Variants in CDPF1 observed in about 807,000 individuals in gnomAD.
The protein encoded by CDPF1 is cysteine rich DPF motif domain containing 1.
In CDPF1, 8 loss-of-function variants were observed where a neutral mutation model predicts 8.3. The observed-to-expected ratio is 0.96, with a 90% CI of 0.57 to 1.74. The LOEUF (loss-of-function observed/expected upper bound fraction) is 1.74. CDPF1 is among the 40% of genes most tolerant of loss of function. The pLI, the probability that CDPF1 is intolerant of heterozygous loss-of-function variation, is 0.00. For synonymous variants in CDPF1, 62 were observed against 62.9 expected (o/e 0.99, Z 0.07); for missense variants, 151 against 155.3 (o/e 0.97, Z 0.15).
Position 46,248,172 on chromosome 22 carries a change from A to T in CDPF1, c.113T>A (p.Val38Asp). Reference sequence around the variant, plus strand: ...ACTGGCCCAAAAGGCATGCACTCACACCATCGACTGGGTGTTGGGGGGCTT... The same window carrying T: ...ACTGGCCCAAAAGGCATGCACTCACTCCATCGACTGGGTGTTGGGGGGCTT... ...GQKPPNTQSM[V>D]LLEESYVMKD... The change falls in exon 2 of 4, where the codon GTC becomes GAC. Residue 38 changes from valine to aspartate, a missense_variant and splice_region_variant. Physicochemically the swap from Val to Asp is radical, Grantham distance 152. Transcript: ENST00000314567. This position sits in a 1 kb window ranked among gnomAD's most constrained non-coding sequence, Gnocchi z 4.1. 6.2e-7 allele frequency: 1 copy of T among 1,610,636 alleles called. No individual in the cohort carries two copies. Among genetic ancestry groups the T allele is most frequent in the Non-Finnish European group, 8.5e-7 (1 of 1,177,500 alleles).
At position 46,247,495 on chromosome 22, in the gene CDPF1, C is replaced by G. The variant is rs889915006; in HGVS notation, c.114-274G>C. 6.6e-6 allele frequency among the ~76,000 whole-genome samples: 1 copy of G among 152,184 alleles called. No homozygotes were observed. Among genetic ancestry groups the G allele is most frequent in the African/African-American group, 2.4e-5 (1 of 41,442 alleles). ...CCCTTGTTCTCAGCCAAAAGCAGGG[C>G]TGCTGCAACATGGGCCCCCAGACCC... On this transcript the variant is annotated intron_variant, in intron 2 of 3. Transcript: ENST00000314567. This position sits in a 1 kb window ranked among gnomAD's most constrained non-coding sequence, Gnocchi z 4.3.
At position 46,249,836 on chromosome 22, in the gene CDPF1, C is replaced by T. The variant is rs1569267099; in HGVS notation, c.-1+420G>A. Among the ~76,000 whole-genome samples, 1 of 152,148 alleles carries T rather than the reference C, an allele frequency of 6.6e-6. No individual in the cohort carries two copies. The highest frequency in any genetic ancestry group is 1.5e-5 in the Non-Finnish European group (1 of 68,030). On this transcript the variant is annotated intron_variant, in intron 1 of 3. Transcript: ENST00000314567. This position sits in a 1 kb window ranked among gnomAD's most constrained non-coding sequence, Gnocchi z 4.6. ...CGCCACTGCATTCCAGCCTGGGCGA[C>T]AGAGCGAGACTCTGTCTCAAAACAA...
rs778898630 is a variant in CDPF1 at position 46,248,189 on chromosome 22, G to A, written c.96C>T (p.Pro32=). 16 of 1,612,454 alleles carry A rather than the reference G, an allele frequency of 9.9e-6. No homozygotes were observed. Among genetic ancestry groups the A allele is most frequent in the Admixed American group, 6.7e-5 (4 of 59,926 alleles). Residue 32 remains proline, a synonymous_variant, in exon 2 of 4, where the codon CCC becomes CCT. Transcript: ENST00000314567. The surrounding 1 kb of genome is among the most constrained non-coding windows in gnomAD (Gnocchi z 4.1). The stretch of plus-strand genomic sequence containing the variant: ...GCACTCACACCATCGACTGGGTGTT[G>A]GGGGGCTTCTGTCCCACATAGCTGT... ...APYSYVGQKP[P]NTQSMVLLEE...
chr22:46,246,115 G>C lies in CDPF1; in HGVS notation c.226-877C>G, dbSNP rs923066928. Among the ~76,000 whole-genome samples, 1 of 152,172 alleles carries C rather than the reference G, an allele frequency of 6.6e-6. No homozygotes were observed. The highest frequency in any genetic ancestry group is 1.5e-5 in the Non-Finnish European group (1 of 68,024). On this transcript the variant is annotated intron_variant, in intron 3 of 3. Transcript: ENST00000314567. The surrounding 1 kb of genome is among the most constrained non-coding windows in gnomAD (Gnocchi z 7.1). Reference sequence around the variant, plus strand: ...TGTCTGTCTGTTCTTAAAGCTTAGTGTGCTCGCAAACATAAGGCTGCCCTC... The same window carrying C: ...TGTCTGTCTGTTCTTAAAGCTTAGTCTGCTCGCAAACATAAGGCTGCCCTC...
chr22:46,248,415 C>T lies in CDPF1; in HGVS notation c.1-131G>A. 1.7e-6 allele frequency: 1 copy of T among 589,702 alleles called. No individual in the cohort carries two copies. The highest frequency in any genetic ancestry group is 3.1e-6 in the Non-Finnish European group (1 of 327,514). The allele number at this position is 589,702 out of a possible 1,614,324, so 36.5% of individuals were successfully genotyped here. ...TTGCCTCCCTACCGTACCCTTTTCT[C>T]TATCCCCAGCTGAAACAGGTTTTCA... On this transcript the variant is annotated intron_variant, in intron 1 of 3. Coordinates refer to ENST00000314567, the MANE Select transcript of CDPF1 (RefSeq NM_207327.5). The surrounding 1 kb of genome is among the most constrained non-coding windows in gnomAD (Gnocchi z 4.1).
rs1936525611 is a variant in CDPF1 at position 46,248,410 on chromosome 22, T to C, written c.1-126A>G. 2 of 597,978 alleles carry C rather than the reference T, an allele frequency of 3.3e-6. No individual in the cohort carries two copies. Among genetic ancestry groups the C allele is most frequent in the South Asian group, 4.2e-5 (2 of 47,728 alleles). The allele number at this position is 597,978 out of a possible 1,614,324, so 37.0% of individuals were successfully genotyped here. On this transcript the variant is annotated intron_variant, in intron 1 of 3. Coordinates refer to ENST00000314567, the MANE Select transcript of CDPF1 (RefSeq NM_207327.5). The surrounding 1 kb of genome is among the most constrained non-coding windows in gnomAD (Gnocchi z 4.1). ...GTTTCTTGCCTCCCTACCGTACCCT[T>C]TTCTCTATCCCCAGCTGAAACAGGT...
Position 46,246,538 on chromosome 22 carries a change from A to G in CDPF1, c.225+572T>C, listed in dbSNP as rs573268179. ...TGGGGTCACTCTGAGTACACTGGGC[A>G]CGCTGTGAAAGCCATGCTGCTCCAC... On this transcript the variant is annotated intron_variant, in intron 3 of 3. Coordinates refer to ENST00000314567, the MANE Select transcript of CDPF1 (RefSeq NM_207327.5). This position sits in a 1 kb window ranked among gnomAD's most constrained non-coding sequence, Gnocchi z 7.1. The G allele has an allele frequency of 9.3e-7, 1 of 1,078,648 alleles. No homozygotes were observed. The highest frequency in any genetic ancestry group is 2.6e-5 in the East Asian group (1 of 38,218). 66.8% of individuals were successfully genotyped at this position (1,078,648 alleles called of 1,614,324 possible).
In CDPF1 at chr22:46,246,729, G is replaced by A. The variant is rs769994683; in HGVS notation, c.225+381C>T. 6 of 1,601,756 alleles carry A rather than the reference G, an allele frequency of 3.7e-6. No homozygotes were observed. Among genetic ancestry groups the A allele is most frequent in the African/African-American group, 1.3e-5 (1 of 74,658 alleles). ...AGCAGTAAAACAGGTCCCAAGCACAGGACCTGGCACACAACAAGTGCTCAT... is the reference window on the plus strand; with the variant it reads ...AGCAGTAAAACAGGTCCCAAGCACAAGACCTGGCACACAACAAGTGCTCAT... On this transcript the variant is annotated intron_variant, in intron 3 of 3. Coordinates refer to ENST00000314567, the MANE Select transcript of CDPF1 (RefSeq NM_207327.5). The surrounding 1 kb of genome is among the most constrained non-coding windows in gnomAD (Gnocchi z 7.1).
rs2147763291 is a variant in CDPF1, at chr22:46,245,029, T to C, written c.*63A>G. On this transcript the variant is annotated 3_prime_UTR_variant, in exon 4 of 4. Coordinates refer to ENST00000314567, the MANE Select transcript of CDPF1 (RefSeq NM_207327.5). The surrounding 1 kb of genome is among the most constrained non-coding windows in gnomAD (Gnocchi z 6.9). ...GCGGCTCCCAGCTCAGCAGCATCCC[T>C]GGCGCAGGCTGGCCCAGGAGCTCTG... The C allele has an allele frequency of 1.3e-6, 2 of 1,586,390 alleles. No individual in the cohort carries two copies. The highest frequency in any genetic ancestry group is 1.7e-6 in the Non-Finnish European group (2 of 1,164,638).
Position 46,246,553 on chromosome 22 carries a change from T to C in CDPF1, c.225+557A>G, listed in dbSNP as rs1936492502. On this transcript the variant is annotated intron_variant, in intron 3 of 3. Coordinates refer to ENST00000314567, the MANE Select transcript of CDPF1 (RefSeq NM_207327.5). This position sits in a 1 kb window ranked among gnomAD's most constrained non-coding sequence, Gnocchi z 7.1. ...TACACTGGGCACGCTGTGAAAGCCATGCTGCTCCACTTCCATCCGTCCTTG... is the reference window on the plus strand; with the variant it reads ...TACACTGGGCACGCTGTGAAAGCCACGCTGCTCCACTTCCATCCGTCCTTG... The C allele has an allele frequency of 7.9e-7, 1 of 1,267,232 alleles. No individual in the cohort carries two copies. Among genetic ancestry groups the C allele is most frequent in the East Asian group, 2.6e-5 (1 of 39,170 alleles). The allele number at this position is 1,267,232 out of a possible 1,614,324, so 78.5% of individuals were successfully genotyped here.
In CDPF1 at chr22:46,246,641, T is replaced by C. The variant is rs1233288673; in HGVS notation, c.225+469A>G. 4 of 1,546,084 alleles carry C rather than the reference T, an allele frequency of 2.6e-6. No individual in the cohort carries two copies. Among genetic ancestry groups the C allele is most frequent in the East Asian group, 2.4e-5 (1 of 40,960 alleles). On this transcript the variant is annotated intron_variant, in intron 3 of 3. Coordinates refer to ENST00000314567, the MANE Select transcript of CDPF1 (RefSeq NM_207327.5). The surrounding 1 kb of genome is among the most constrained non-coding windows in gnomAD (Gnocchi z 7.1). ...CTCTCTGAAGCTCAGTTCCCTCATC[T>C]ATAAAATGGGTGGAATATAATACTG...
chr22:46,247,294 C>T lies in CDPF1; in HGVS notation c.114-73G>A. 2 of 996,674 alleles carry T rather than the reference C, an allele frequency of 2.0e-6. No individual in the cohort carries two copies. Among genetic ancestry groups the T allele is most frequent in the Non-Finnish European group, 1.6e-6 (1 of 640,190 alleles). The allele number at this position is 996,674 out of a possible 1,614,324, so 61.7% of individuals were successfully genotyped here. ...CGGAAAATCAGCCATGACCTATGGC[C>T]AGGCAGCAGCAGCCTGCACCTCTGC... On this transcript the variant is annotated intron_variant, in intron 2 of 3. Coordinates refer to ENST00000314567, the MANE Select transcript of CDPF1 (RefSeq NM_207327.5). This position sits in a 1 kb window ranked among gnomAD's most constrained non-coding sequence, Gnocchi z 4.3.
At position 46,249,587 on chromosome 22, in the gene CDPF1, T is replaced by G. The variant is rs1259828389; in HGVS notation, c.-1+669A>C. On this transcript the variant is annotated intron_variant, in intron 1 of 3. Coordinates refer to ENST00000314567, the MANE Select transcript of CDPF1 (RefSeq NM_207327.5). The surrounding 1 kb of genome is among the most constrained non-coding windows in gnomAD (Gnocchi z 4.6). ...TCACTTGAACCTAGGAGGCGGAGAT[T>G]GCAGTGAGCCGAGATTGTGCCACTG... Among the ~76,000 whole-genome samples, 1 of 152,096 alleles carries G rather than the reference T, an allele frequency of 6.6e-6. No homozygotes were observed. Among genetic ancestry groups the G allele is most frequent in the Admixed American group, 6.5e-5 (1 of 15,278 alleles).
In CDPF1 at chr22:46,249,951, G is replaced by C. The variant is rs536944903; in HGVS notation, c.-1+305C>G. Among the ~76,000 whole-genome samples, 9 of 152,326 alleles carry C rather than the reference G, an allele frequency of 5.9e-5. No homozygotes were observed. In the South Asian group the frequency reaches 1.9e-3, roughly 32 times the overall value. On this transcript the variant is annotated intron_variant, in intron 1 of 3. Coordinates refer to ENST00000314567, the MANE Select transcript of CDPF1 (RefSeq NM_207327.5). This position sits in a 1 kb window ranked among gnomAD's most constrained non-coding sequence, Gnocchi z 4.6. The stretch of plus-strand genomic sequence containing the variant: ...CCTAGGCCCCTGCCGAGGCTCCTGG[G>C]GGCGGTGCCTGTGAACAGGGACGGC...
rs1936509598 is a variant in CDPF1 at position 46,247,472 on chromosome 22, CTTG to C, written c.114-254_114-252del. 1.3e-5 allele frequency among the ~76,000 whole-genome samples: 2 copies of C among 152,204 alleles called. No homozygotes were observed. Among genetic ancestry groups the C allele is most frequent in the Non-Finnish European group, 2.9e-5 (2 of 68,032 alleles). On this transcript the variant is annotated intron_variant, in intron 2 of 3. Transcript: ENST00000314567. The surrounding 1 kb of genome is among the most constrained non-coding windows in gnomAD (Gnocchi z 4.3). ...GTAACAGCCATGGTAGAGAGAACCC[CTTG>C]TTCTCAGCCAAAAGCAGGGCTGCTG...
Position 46,244,374 on chromosome 22 carries a change from G to C in CDPF1, c.*718C>G, listed in dbSNP as rs1936452195. On this transcript the variant is annotated 3_prime_UTR_variant, in exon 4 of 4. Transcript: ENST00000314567. The surrounding 1 kb of genome is among the most constrained non-coding windows in gnomAD (Gnocchi z 6.7). The stretch of plus-strand genomic sequence containing the variant: ...AGGGAGACAGAACGGAGGGGCCCGA[G>C]CTGAAGACAGAGTCTGAGGGAACTG... 1 of 152,204 alleles carries C rather than the reference G, an allele frequency of 6.6e-6. No homozygotes were observed. Among genetic ancestry groups the C allele is most frequent in the Non-Finnish European group, 1.5e-5 (1 of 68,116 alleles). The allele number at this position is 152,204 out of a possible 1,614,324, so 9.4% of individuals were successfully genotyped here.
rs763381431 is a variant in CDPF1 at position 46,244,835 on chromosome 22, G to A, written c.*257C>T. On this transcript the variant is annotated 3_prime_UTR_variant, in exon 4 of 4. Coordinates refer to ENST00000314567, the MANE Select transcript of CDPF1 (RefSeq NM_207327.5). The surrounding 1 kb of genome is among the most constrained non-coding windows in gnomAD (Gnocchi z 6.7). ...GCACTCACTCAGGCCTGGGCCCTGA[G>A]GGGCATGTGGGGGGACCTGGCCGGG... 19 of 469,640 alleles carry A rather than the reference G, an allele frequency of 4.0e-5. No individual in the cohort carries two copies. The highest frequency in any genetic ancestry group is 7.0e-5 in the Admixed American group (2 of 28,390). The allele number at this position is 469,640 out of a possible 1,614,324, so 29.1% of individuals were successfully genotyped here. A position where few individuals can be genotyped will look rare whatever the true frequency, so the allele number is the denominator to read the frequency against.
At position 46,246,178 on chromosome 22, in the gene CDPF1, C is replaced by T. The variant is rs181162223; in HGVS notation, c.225+932G>A. On this transcript the variant is annotated intron_variant, in intron 3 of 3. Coordinates refer to ENST00000314567, the MANE Select transcript of CDPF1 (RefSeq NM_207327.5). The surrounding 1 kb of genome is among the most constrained non-coding windows in gnomAD (Gnocchi z 7.1). ...GAAAAGACCCTTCGCCATGGAGATC[C>T]GCTCACTAACAACCTACTGTTTAAA... is the stretch of plus-strand genomic sequence containing the variant. Among the ~76,000 whole-genome samples the T allele has an allele frequency of 1.8e-3, 279 of 152,310 alleles. 1 individual carries two copies. Among genetic ancestry groups the T allele is most frequent in the South Asian group, 2.3e-3 (11 of 4,828 alleles).
Position 46,246,534 on chromosome 22 carries a change from G to A in CDPF1, c.225+576C>T, listed in dbSNP as rs1936492137. 9.7e-7 allele frequency: 1 copy of A among 1,035,984 alleles called. No individual in the cohort carries two copies. Among genetic ancestry groups the A allele is most frequent in the African/African-American group, 1.6e-5 (1 of 62,066 alleles). 64.2% of individuals were successfully genotyped at this position (1,035,984 alleles called of 1,614,324 possible). ...ACTCTGGGGTCACTCTGAGTACACT[G>A]GGCACGCTGTGAAAGCCATGCTGCT... On this transcript the variant is annotated intron_variant, in intron 3 of 3. Transcript: ENST00000314567. The surrounding 1 kb of genome is among the most constrained non-coding windows in gnomAD (Gnocchi z 7.1).
Sources: gnomAD v4.1 joint callset for allele counts (sites outside exome capture counted in the v4.1 genomes callset) on GRCh38, gnomAD v4.1.1 for gene constraint, Gnocchi (gnomAD v3.1) non-coding constraint, MANE v1.5 for transcripts, NCBI Gene and HGNC (gene_info 2026-07-23, HGNC 2026-07-21) for gene names.